MYLK4: variants seen among roughly 807,000 people sequenced by gnomAD.
The protein encoded by MYLK4 is myosin light chain kinase family member 4, also known as caMLCK like.
MYLK4 carries 46 observed loss-of-function variants against 48.1 expected under a neutral mutation model. The observed-to-expected ratio is 0.96, with a 90% confidence interval of 0.75 to 1.22. The LOEUF (loss-of-function observed/expected upper bound fraction) is 1.22. Ranked by LOEUF, MYLK4 falls within the 50% of genes most tolerant of loss-of-function variation. The pLI, the probability that MYLK4 is intolerant of heterozygous loss-of-function variation, is 0.00. For synonymous variants in MYLK4, 170 were observed against 180.8 expected, an observed-to-expected ratio of 0.94 and a Z score of 0.48; for missense variants, 451 against 486.1, an observed-to-expected ratio of 0.93 and a Z score of 0.68.
chr6:2,726,338 C>G (rs1472755187), intron 2 of MYLK4, among the ~76,000 whole-genome samples: 1 of 152,170 alleles, frequency 6.6e-6, no homozygotes, highest in Non-Finnish European at 1.5e-5. Context: ...CCAGCAGAGT[C>G]GTAGCCATTT....
intron 2 of MYLK4, among the ~76,000 whole-genome samples, chr6:2,702,380 T>C (rs1762318223): frequency 6.6e-6 from 1 of 152,126 alleles, no homozygotes; most frequent in Non-Finnish European, 1.5e-5. Context: ...TTAGAATTAA[T>C]ACAAGTGCTG....
chr6:2,748,038 A>G (rs1764158162), intron 2 of MYLK4, among the ~76,000 whole-genome samples: 2 of 152,236 alleles, frequency 1.3e-5, no homozygotes, highest in African/African-American at 2.4e-5. Flanking sequence ...GACCTTTTAT[A>G]TACAATCTCT....
chr6:2,697,331 C>T (rs553028923), intron 2 of MYLK4, among the ~76,000 whole-genome samples: 4 of 152,346 alleles, frequency 2.6e-5, no homozygotes, highest in South Asian at 4.1e-4. Flanking sequence ...TCTTTTTCTC[C>T]TTCTGCAAAG....
At chr6:2,739,617 C>CAT (rs1763820309) in intron 2 of MYLK4, among the ~76,000 whole-genome samples, 1 of 152,174 alleles carries the variant, frequency 6.6e-6, no homozygotes, top group Non-Finnish European at 1.5e-5. Context: ...GAGCACATAG[C>CAT]ATACTATCAC....
intron 4 of MYLK4, among the ~76,000 whole-genome samples, chr6:2,688,356 G>A (rs1169351402): frequency 1.3e-5 from 2 of 152,206 alleles, no homozygotes; most frequent in Non-Finnish European, 2.9e-5. Context: ...ACCGCGCAAG[G>A]CCTTTAATCT....
At chr6:2,731,343 C>T (rs1216761476) in intron 2 of MYLK4, among the ~76,000 whole-genome samples, 3 of 152,144 alleles carry the variant, frequency 2.0e-5, no homozygotes, top group Admixed American at 2.0e-4. Flanking sequence ...GGCTCTGGGG[C>T]TGGATAAGGG....
rs2113086851 is a variant in MYLK4, at chr6:2,672,618, A to G, written c.1120-1270T>C. On this transcript the variant is annotated intron_variant, in intron 11 of 12. Coordinates refer to ENST00000274643, the MANE Select transcript of MYLK4 (RefSeq NM_001012418.5). The surrounding 1 kb of genome is among the most constrained non-coding windows in gnomAD (Gnocchi z 4.3). ...ACTTAAAAGTAAATTCTGATTTTGT[A>G]GAACCAATATTAATCTAAAAATAAG... Among the ~76,000 whole-genome samples the G allele has an allele frequency of 6.6e-6, 1 of 152,370 alleles. No homozygotes were observed. Among genetic ancestry groups the G allele is most frequent in the South Asian group, 2.1e-4 (1 of 4,828 alleles).
intron 2 of MYLK4, among the ~76,000 whole-genome samples, chr6:2,718,404 A>G (rs1247055636): frequency 6.6e-6 from 1 of 152,240 alleles, no homozygotes; most frequent in African/African-American, 2.4e-5. Flanking sequence ...TGCTCTCCAA[A>G]AAAACTACAT....
chr6:2,679,108 G>T (rs952848153), intron 9 of MYLK4, among the ~76,000 whole-genome samples, 172 bp downstream of exon 9: 1 of 152,196 alleles, frequency 6.6e-6, no homozygotes, highest in African/African-American at 2.4e-5. Flanking sequence ...TGCAGGGAAA[G>T]AATTCACTCC....
chr6:2,729,710 G>A (rs1472309187), intron 2 of MYLK4, among the ~76,000 whole-genome samples: 1 of 152,140 alleles, frequency 6.6e-6, no homozygotes, highest in Non-Finnish European at 1.5e-5. Flanking sequence ...GCCTCATGCT[G>A]TTTCTCTCAA....
In MYLK4 at chr6:2,688,259, A is replaced by C. The variant is rs531771367; in HGVS notation, c.341+592T>G. Reference sequence around the variant, plus strand: ...TTTTTAATAGAGACGGGGTTTCACCATGTTGGCCAGGATGGTCTCGAACTC... The same window carrying C: ...TTTTTAATAGAGACGGGGTTTCACCCTGTTGGCCAGGATGGTCTCGAACTC... On this transcript the variant is annotated intron_variant, in intron 4 of 12. Coordinates refer to ENST00000274643, the MANE Select transcript of MYLK4 (RefSeq NM_001012418.5). Among the ~76,000 whole-genome samples the C allele has an allele frequency of 9.9e-5, 15 of 152,202 alleles. No individual in the cohort carries two copies. In the South Asian group the frequency reaches 3.1e-3, roughly 32 times the overall value.
Position 2,680,272 on chromosome 6 carries a change from A to G in MYLK4, c.707T>C (p.Val236Ala), listed in dbSNP as rs1314267672. The G allele has an allele frequency of 6.2e-7, 1 of 1,614,158 alleles. No individual in the cohort carries two copies. Residue 236 changes from valine to alanine, a missense_variant, in exon 8 of 13, where the codon GTG becomes GCG. Coordinates refer to ENST00000274643, the MANE Select transcript of MYLK4 (RefSeq NM_001012418.5). The stretch of plus-strand genomic sequence containing the variant: ...TTTTATTTGCTTAGCATCCCGATTC[A>G]CACACAGGATATTCTCAGGCTGCCA... Reference protein sequence around the residue: ...LDLKPENILCVNRDAKQIKII... With the variant: ...LDLKPENILCANRDAKQIKII...
Position 2,699,292 on chromosome 6 carries a change from T to TTTTTTTTC in MYLK4, c.160-6434_160-6433insGAAAAAAA, listed in dbSNP as rs1561849522. The stretch of plus-strand genomic sequence containing the variant: ...TACCACTTTTCTTTTCTTTTCTTTT[T>TTTTTTTTC]TTTTTTTTTTTTTTTTTGATATGGA... On this transcript the variant is annotated intron_variant, in intron 2 of 12. Coordinates refer to ENST00000274643, the MANE Select transcript of MYLK4 (RefSeq NM_001012418.5). Among the ~76,000 whole-genome samples, 28 of 87,054 alleles carry TTTTTTTTC rather than the reference T, an allele frequency of 3.2e-4. 2 individuals carry two copies. The highest frequency in any genetic ancestry group is 1.4e-3 in the African/African-American group (27 of 19,462). The allele number at this position is 87,054 out of a possible 152,430, so 57.1% of individuals were successfully genotyped here. A position where few individuals can be genotyped will look rare whatever the true frequency, so the allele number is the denominator to read the frequency against.
In MYLK4 at chr6:2,722,287, C is replaced by T. The variant is rs1021887619; in HGVS notation, c.159+26849G>A. On this transcript the variant is annotated intron_variant, in intron 2 of 12. Transcript: ENST00000274643. ...ACAGTGTGGTTTAGAGTATGAGATG[C>T]GTCTTTCAAAAATAAGCAAGTTTTT... Among the ~76,000 whole-genome samples the T allele has an allele frequency of 1.9e-4, 29 of 152,178 alleles. No homozygotes were observed. The South Asian group carries it at 4.1e-3, about 22-fold the overall frequency.
At chr6:2,678,677 G>A (rs976759499) in intron 9 of MYLK4, among the ~76,000 whole-genome samples, 3 of 151,790 alleles carry the variant, frequency 2.0e-5, no homozygotes, top group Admixed American at 2.0e-4. Context: ...TCACCTCTGA[G>A]GGGTGAGGCT....
the MYLK4 span, among the ~76,000 whole-genome samples, chr6:2,763,958 C>G: frequency 6.6e-6 from 1 of 152,098 alleles, no homozygotes; most frequent in Non-Finnish European, 1.5e-5. Context: ...GAAGAAACCC[C>G]GTCTGTACTA....
intron 8 of MYLK4, 200 bp from the exon 9 acceptor site, chr6:2,679,608 A>C (rs993451606): frequency 1.5e-6 from 1 of 687,044 alleles, no homozygotes; most frequent in African/African-American, 1.8e-5. Context: ...GTCAAAATTC[A>C]TACTAGGAAA....
chr6:2,686,488 A>G (rs1761555202), intron 4 of MYLK4, among the ~76,000 whole-genome samples: 1 of 152,220 alleles, frequency 6.6e-6, no homozygotes, highest in Non-Finnish European at 1.5e-5. Flanking sequence ...GCAGTTTTAA[A>G]TTTAATTTGC....
rs114923138 is a variant in MYLK4, at chr6:2,737,392, C to T, written c.159+11744G>A. Among the ~76,000 whole-genome samples the T allele has an allele frequency of 9.6e-3, 1,468 of 152,346 alleles. 14 individuals are homozygous for T. The highest frequency in any genetic ancestry group is 0.016 in the Non-Finnish European group (1,100 of 68,032). On this transcript the variant is annotated intron_variant, in intron 2 of 12. Transcript: ENST00000274643. ...CTTTTGATTTTCCAAGGCATTTTCA[C>T]ACCTGTGACCTTGGTAGTACATGGG...
Sources: gnomAD v4.1 joint callset for allele counts (sites outside exome capture counted in the v4.1 genomes callset) on GRCh38, gnomAD v4.1.1 for gene constraint, Gnocchi (gnomAD v3.1) non-coding constraint, MANE v1.5 for transcripts, NCBI Gene and HGNC (gene_info 2026-07-23, HGNC 2026-07-21) for gene names.